SNX30: variants seen among roughly 807,000 people sequenced by gnomAD.
The protein encoded by SNX30 is sorting nexin-30.
Under a neutral mutation model 46.4 loss-of-function variants are expected in SNX30, and 24 were observed. That is an observed-to-expected ratio of 0.52 (90% CI 0.37 to 0.73). The LOEUF (loss-of-function observed/expected upper bound fraction) is 0.73. SNX30 is among the 30% of genes least tolerant of loss of function. SNX30 has a pLI of 0.00. For missense variants in SNX30, 533 were observed against 555.7 expected (o/e 0.96, Z 0.41); for synonymous variants, 189 against 211.5 (o/e 0.89, Z 0.92).
chr9:112,766,948 T>C (rs1372733075), intron 1 of SNX30, among the ~76,000 whole-genome samples: 1 of 152,226 alleles, frequency 6.6e-6, no homozygotes, highest in Non-Finnish European at 1.5e-5. Flanking sequence ...TGAGACCTTC[T>C]TTTGGATATG....
At chr9:112,769,380 A>C (rs1402834128) in intron 1 of SNX30, among the ~76,000 whole-genome samples, 1 of 152,208 alleles carries the variant, frequency 6.6e-6, no homozygotes, top group Non-Finnish European at 1.5e-5. Flanking sequence ...CCATCACTGC[A>C]GTGCCATCCT....
chr9:112,872,758 G>C lies in SNX30; in HGVS notation c.*3915G>C, dbSNP rs527334225. ...CTTAGGTTGGGAGCTTGGGTTTCCT[G>C]TCTCACTTCCAAAAGCCTTCAAGAT... On this transcript the variant is annotated 3_prime_UTR_variant, in exon 9 of 9. Transcript: ENST00000374232. The C allele has an allele frequency of 6.6e-6, 1 of 152,260 alleles. No individual in the cohort carries two copies. Among genetic ancestry groups the C allele is most frequent in the African/African-American group, 2.4e-5 (1 of 41,556 alleles). The allele number at this position is 152,260 out of a possible 1,614,324, so 9.4% of individuals were successfully genotyped here.
chr9:112,865,649 ATATATATATATATG>A (rs1458644447), intron 8 of SNX30, among the ~76,000 whole-genome samples: 3 of 86,054 alleles, frequency 3.5e-5, no homozygotes, highest in Admixed American at 1.1e-4. Context: ...ATATATATAT[ATATATATATATATG>A]TATGTATGTA....
chr9:112,769,148 G>A (rs529491158), intron 1 of SNX30, among the ~76,000 whole-genome samples: 44 of 152,274 alleles, frequency 2.9e-4, no homozygotes, highest in African/African-American at 8.4e-4. Context: ...TTACAAATAC[G>A]TATGTTTCTT....
intron 1 of SNX30, among the ~76,000 whole-genome samples, chr9:112,797,675 G>T (rs1302797454): frequency 6.0e-5 from 9 of 150,278 alleles, no homozygotes; most frequent in African/African-American, 2.2e-4. Context: ...TACATTTATA[G>T]GTGCTTGCGC....
intron 2 of SNX30, among the ~76,000 whole-genome samples, chr9:112,813,172 A>G (rs761211837): frequency 4.0e-5 from 6 of 151,716 alleles, no homozygotes; most frequent in Non-Finnish European, 5.9e-5. Flanking sequence ...CAAAACAACA[A>G]TGTCTTATAC....
chr9:112,766,294 T>A (rs1839536174), intron 1 of SNX30, among the ~76,000 whole-genome samples: 1 of 152,214 alleles, frequency 6.6e-6, no homozygotes, highest in South Asian at 2.1e-4. Context: ...TTTATGGATA[T>A]ACCACATTTT....
In SNX30 at chr9:112,874,756, A is replaced by G. The variant is rs1841498802; in HGVS notation, c.*5913A>G. The G allele has an allele frequency of 1.1e-5, 1 of 93,190 alleles. No homozygotes were observed. Among genetic ancestry groups the G allele is most frequent in the Non-Finnish European group, 2.4e-5 (1 of 41,452 alleles). The allele number at this position is 93,190 out of a possible 1,614,324, so 5.8% of individuals were successfully genotyped here. A position where few individuals can be genotyped will look rare whatever the true frequency, so the allele number is the denominator to read the frequency against. ...TGTTATGGAAACCAGAGATTGTAAA[A>G]TGGAAAAAGAATCGTTTTTTTGTTG... On this transcript the variant is annotated 3_prime_UTR_variant, in exon 9 of 9. Transcript: ENST00000374232.
chr9:112,856,819 A>G (rs985335859), intron 7 of SNX30: 2 of 152,434 alleles, frequency 1.3e-5, no homozygotes, highest in Non-Finnish European at 2.9e-5. Flanking sequence ...GACCCTCACC[A>G]TGGGGCAGAA....
chr9:112,785,301 G>A (rs1839904679), intron 1 of SNX30, among the ~76,000 whole-genome samples: 1 of 150,892 alleles, frequency 6.6e-6, no homozygotes, highest in African/African-American at 2.4e-5. Flanking sequence ...CTGCAGCCTC[G>A]ACCTCCTGGG....
At chr9:112,755,085 A>G (rs1839327639) in intron 1 of SNX30, among the ~76,000 whole-genome samples, 2 of 152,188 alleles carry the variant, frequency 1.3e-5, no homozygotes, top group Non-Finnish European at 2.9e-5. Flanking sequence ...GCACTGTTCT[A>G]GGAACTTGAA....
At chr9:112,864,469 A>G in intron 8 of SNX30, 70 bp downstream of exon 8, 5 of 1,585,480 alleles carry the variant, frequency 3.2e-6, no homozygotes, top group Non-Finnish European at 2.6e-6. Context: ...CCAGAAATCC[A>G]CAAGCTGGGA....
At chr9:112,791,845 A>C (rs958247193) in intron 1 of SNX30, among the ~76,000 whole-genome samples, 1 of 152,176 alleles carries the variant, frequency 6.6e-6, no homozygotes, top group African/African-American at 2.4e-5. Context: ...TATTAATGTA[A>C]TATAGTGTAA....
intron 2 of SNX30, among the ~76,000 whole-genome samples, chr9:112,817,025 C>CT (rs1399217385): frequency 6.6e-6 from 1 of 152,086 alleles, no homozygotes; most frequent in African/African-American, 2.4e-5. Context: ...AATGCAATGG[C>CT]ATTTTTGTAT....
At chr9:112,855,502 A>G (rs1021481482) in intron 7 of SNX30, among the ~76,000 whole-genome samples, 2 of 152,082 alleles carry the variant, frequency 1.3e-5, no homozygotes, top group African/African-American at 4.8e-5. Flanking sequence ...AAATCTGATC[A>G]CTTTTTTGTA....
chr9:112,768,647 CTTTTTT>C lies in SNX30; in HGVS notation c.156+17513_156+17518del, dbSNP rs58983756. 5.9e-4 allele frequency among the ~76,000 whole-genome samples: 38 copies of C among 64,358 alleles called. 2 individuals carry two copies. The East Asian group carries it at 9.2e-3, about 16-fold the overall frequency. The allele number at this position is 64,358 out of a possible 152,430, so 42.2% of individuals were successfully genotyped here. ...AAGTTTCTCTAGATAATTCTTTCTT[CTTTTTT>C]TTTTTTTTTTTTTTTTTTTTTTGAG... On this transcript the variant is annotated intron_variant, in intron 1 of 8. Transcript: ENST00000374232.
intron 3 of SNX30, among the ~76,000 whole-genome samples, chr9:112,821,449 ATATG>A (rs1840492754): frequency 6.6e-6 from 1 of 151,906 alleles, no homozygotes; most frequent in African/African-American, 2.4e-5. Context: ...ATATGTGTAT[ATATG>A]TGTGTGTGTA....
chr9:112,862,012 T>C (rs917299432), intron 7 of SNX30, among the ~76,000 whole-genome samples: 1 of 152,218 alleles, frequency 6.6e-6, no homozygotes, highest in African/African-American at 2.4e-5. Flanking sequence ...GAGACAAGAT[T>C]TGTCTGTTGA....
chr9:112,812,858 A>G (rs1277571669), intron 2 of SNX30, among the ~76,000 whole-genome samples: 1 of 152,154 alleles, frequency 6.6e-6, no homozygotes, highest in African/African-American at 2.4e-5. Context: ...TTTCCCTTAA[A>G]ACAACAGGCC....
Sources: allele counts gnomAD v4.1 joint callset (sites outside exome capture counted in the v4.1 genomes callset), GRCh38; gene constraint gnomAD v4.1.1; transcripts MANE v1.5; gene names NCBI Gene and HGNC (gene_info 2026-07-23, HGNC 2026-07-21).